Variants in CDH19 observed in about 807,000 individuals in gnomAD.
CDH19 encodes cadherin-19.
A neutral mutation model predicts 64.2 loss-of-function variants in CDH19; 67 were observed. The observed-to-expected ratio is 1.04, with a 90% CI of 0.86 to 1.28. CDH19 has a LOEUF of 1.28. CDH19 is among the 50% of genes most tolerant of loss of function. The pLI is 0.00. For synonymous variants in CDH19, 346 were observed against 319.3 expected, an observed-to-expected ratio of 1.08 and a Z score of -0.89; for missense variants, 1,030 against 929.0, an observed-to-expected ratio of 1.11 and a Z score of -1.41.
chr18:66,573,872 A>G (rs1233039018), intron 1 of CDH19, among the ~76,000 whole-genome samples: 5 of 148,420 alleles, frequency 3.4e-5, no homozygotes, highest in East Asian at 2.0e-4. Flanking sequence ...TTTCAAATTC[A>G]TATCATTTTA....
In CDH19 at chr18:66,544,033, T is replaced by C. The variant is rs920399803; in HGVS notation, c.1152A>G (p.Pro384=). ...YYVFEVFEET[P]QGSFVGVVSA... is the part of the protein sequence containing the mutation. ...ACACCACGCCTACAAATGATCCCTG[T>C]GGGGTTTCTTCAAAAACTTCAAATA... Residue 384 remains proline, a synonymous_variant, in exon 7 of 12, where the codon CCA becomes CCG. Coordinates refer to ENST00000262150, the MANE Select transcript of CDH19 (RefSeq NM_021153.4). The C allele has an allele frequency of 1.2e-6, 2 of 1,613,712 alleles. No homozygotes were observed. The highest frequency in any genetic ancestry group is 1.7e-6 in the Non-Finnish European group (2 of 1,179,590).
intron 2 of CDH19, 113 bp downstream of exon 2, chr18:66,571,897 C>T: frequency 2.8e-6 from 2 of 702,736 alleles, no homozygotes; most frequent in Non-Finnish European, 4.6e-6. Flanking sequence ...CTGTTTGAAG[C>T]TTTTCAATGG....
intron 1 of CDH19, among the ~76,000 whole-genome samples, chr18:66,573,056 A>C (rs1422870803): frequency 6.6e-6 from 1 of 151,732 alleles, no homozygotes; most frequent in East Asian, 1.9e-4. Flanking sequence ...ATATTAAAAC[A>C]AAAGACTCTG....
intron 9 of CDH19, among the ~76,000 whole-genome samples, chr18:66,528,104 TAAG>T (rs985181035): frequency 8.5e-5 from 13 of 152,064 alleles, no homozygotes; most frequent in African/African-American, 3.1e-4. Flanking sequence ...ATTTGTATTT[TAAG>T]AAAACTGGTG....
chr18:66,533,126 A>T (rs974303742), intron 8 of CDH19, among the ~76,000 whole-genome samples: 3 of 151,950 alleles, frequency 2.0e-5, no homozygotes, highest in Non-Finnish European at 4.4e-5. Flanking sequence ...TTTTGCTTAA[A>T]ATTGAATTTT....
intron 1 of CDH19, among the ~76,000 whole-genome samples, chr18:66,603,731 AT>A (rs777823139): frequency 3.6e-4 from 55 of 152,134 alleles, no homozygotes; most frequent in Non-Finnish European, 6.8e-4. Context: ...TATTACAGAG[AT>A]GGAGAACTGT....
At chr18:66,560,003 T>C (rs1169301545) in intron 3 of CDH19, among the ~76,000 whole-genome samples, 1 of 151,972 alleles carries the variant, frequency 6.6e-6, no homozygotes, top group South Asian at 2.1e-4. Context: ...CCAAGTATGG[T>C]CCAGGCATTT....
chr18:66,543,745 T>C (rs1252686883), intron 7 of CDH19, among the ~76,000 whole-genome samples: 2 of 151,920 alleles, frequency 1.3e-5, no homozygotes, highest in Admixed American at 6.6e-5. Context: ...TAGCTGGGCG[T>C]GGTGGCGCAT....
intron 5 of CDH19, among the ~76,000 whole-genome samples, chr18:66,548,904 T>C (rs1304308219): frequency 1.3e-5 from 2 of 152,196 alleles, no homozygotes; most frequent in East Asian, 3.8e-4. Flanking sequence ...CATGTTTCGA[T>C]GTGATAGATA....
chr18:66,599,176 C>T lies in CDH19; in HGVS notation c.-113+4778G>A, dbSNP rs530451006. On this transcript the variant is annotated intron_variant, in intron 1 of 11. Coordinates refer to ENST00000262150, the MANE Select transcript of CDH19 (RefSeq NM_021153.4). ...TTTAATCATGAAAAGGTATTGTCAACATAAAACGTGGTGCCAGATGGACTA... is the reference window on the plus strand; with the variant it reads ...TTTAATCATGAAAAGGTATTGTCAATATAAAACGTGGTGCCAGATGGACTA... Among the ~76,000 whole-genome samples the T allele has an allele frequency of 1.2e-4, 18 of 152,132 alleles. No individual in the cohort carries two copies. In the South Asian group the frequency reaches 2.9e-3, roughly 24 times the overall value.
intron 7 of CDH19, among the ~76,000 whole-genome samples, chr18:66,541,778 T>A (rs1986895922): frequency 6.6e-6 from 1 of 152,104 alleles, no homozygotes; most frequent in Non-Finnish European, 1.5e-5. Flanking sequence ...TAATTGCCAG[T>A]ATAAAGGTGG....
intron 1 of CDH19, among the ~76,000 whole-genome samples, chr18:66,586,396 A>G (rs1344996149): frequency 3.9e-5 from 6 of 152,110 alleles, no homozygotes; most frequent in African/African-American, 1.4e-4. Context: ...TGGGAAGTGA[A>G]CACATGAAGC....
In CDH19 at chr18:66,571,523, G is replaced by A. The variant is rs115640999; in HGVS notation, c.195+487C>T. Among the ~76,000 whole-genome samples, 1,293 of 151,720 alleles carry A rather than the reference G, an allele frequency of 8.5e-3. 31 individuals carry two copies. Among genetic ancestry groups the A allele is most frequent in the African/African-American group, 0.03 (1,227 of 41,472 alleles). The stretch of plus-strand genomic sequence containing the variant: ...TTAAAATATATTCTTTTAAGAAAGT[G>A]AACATAATTATTCCTTTTACTTTAA... On this transcript the variant is annotated intron_variant, in intron 2 of 11. Transcript: ENST00000262150.
At chr18:66,589,728 AAAAAG>A (rs1256128140) in intron 1 of CDH19, among the ~76,000 whole-genome samples, 2 of 151,900 alleles carry the variant, frequency 1.3e-5, no homozygotes, top group East Asian at 3.9e-4. Context: ...TCGTGAATGG[AAAAAG>A]AAAACTAAAG....
At position 66,504,865 on chromosome 18, in the gene CDH19, G is replaced by A. The variant is rs1366272665; in HGVS notation, c.2266C>T (p.Arg756Cys). 3 of 1,610,170 alleles carry A rather than the reference G, an allele frequency of 1.9e-6. No individual in the cohort carries two copies. Among genetic ancestry groups the A allele is most frequent in the South Asian group, 2.2e-5 (2 of 91,018 alleles). The change falls in exon 12 of 12, where the codon CGC (arginine) becomes TGC (cysteine). Residue 756 changes from arginine to cysteine, a missense_variant. Physicochemically the swap from Arg to Cys is radical, Grantham distance 180. Transcript: ENST00000262150. ...AACATGCATGCTAATCTTTTAAAGC[G>A]AGGTCCCAACTCATTAAGGTAATCA... is the stretch of plus-strand genomic sequence containing the variant. ...SYDYLNELGPRFKRLACMFGS... is the reference protein window; with the variant it reads ...SYDYLNELGPCFKRLACMFGS...
chr18:66,530,401 T>A (rs1986397364), intron 8 of CDH19, among the ~76,000 whole-genome samples: 1 of 152,232 alleles, frequency 6.6e-6, no homozygotes, highest in South Asian at 2.1e-4. Flanking sequence ...TACAGTTAAA[T>A]TACTTGTGTA....
intron 3 of CDH19, among the ~76,000 whole-genome samples, chr18:66,556,379 TCTTA>T (rs1362256906): frequency 6.6e-6 from 1 of 151,746 alleles, no homozygotes; most frequent in Non-Finnish European, 1.5e-5. Context: ...GATTTGTTTA[TCTTA>T]CTTATCTGAT....
At chr18:66,573,495 T>C (rs943035354) in intron 1 of CDH19, among the ~76,000 whole-genome samples, 1 of 151,690 alleles carries the variant, frequency 6.6e-6, no homozygotes, top group Non-Finnish European at 1.5e-5. Flanking sequence ...GAAATTCAAC[T>C]GAGGTGAAAT....
chr18:66,546,055 T>G (rs1282478807), intron 5 of CDH19, among the ~76,000 whole-genome samples: 1 of 152,058 alleles, frequency 6.6e-6, no homozygotes, highest in Admixed American at 6.5e-5. Flanking sequence ...ATATATGACA[T>G]TACTCATGTC....
Sources: gnomAD v4.1 joint callset for allele counts (sites outside exome capture counted in the v4.1 genomes callset) on GRCh38, gnomAD v4.1.1 for gene constraint, MANE v1.5 for transcripts, NCBI Gene and HGNC (gene_info 2026-07-23, HGNC 2026-07-21) for gene names.